The following AFF4 variants were observed in gnomAD, a reference collection of about 807,000 sequenced individuals.
AFF4 encodes the protein ALF transcription elongation factor 4, also known as AF4/FMR2 family member 4.
In AFF4, 13 loss-of-function variants were observed where a neutral mutation model predicts 124.8. The ratio of observed to expected loss-of-function variants is 0.10; its 90% CI spans 0.07 to 0.17. The LOEUF is 0.17. Among genes scored for constraint, AFF4 ranks in the 10% least tolerant of loss-of-function variants. AFF4 has a pLI of 1.00. For missense variants in AFF4, 1,092 were observed against 1,403.8 expected (o/e 0.78, Z 3.55); for synonymous variants, 477 against 496.1 (o/e 0.96, Z 0.51).
In AFF4 at chr5:132,930,955, A is replaced by T. The variant is rs530423077; in HGVS notation, c.963+1223T>A. Reference sequence around the variant, plus strand: ...TACTAAAAAAAAAAAAAAAAAAAAAAAATTAGCCAGGCATGGTGGCAGATG... The same window carrying T: ...TACTAAAAAAAAAAAAAAAAAAAAATAATTAGCCAGGCATGGTGGCAGATG... On this transcript the variant is annotated intron_variant, in intron 4 of 20. Coordinates refer to ENST00000265343, the MANE Select transcript of AFF4 (RefSeq NM_014423.4). 2.4e-3 allele frequency among the ~76,000 whole-genome samples: 366 copies of T among 150,928 alleles called. 4 individuals carry two copies. The highest frequency in any genetic ancestry group is 8.4e-3 in the African/African-American group (347 of 41,168).
At chr5:132,888,744 C>T (rs915096889) in intron 14 of AFF4, among the ~76,000 whole-genome samples, 2 of 151,806 alleles carry the variant, frequency 1.3e-5, no homozygotes, top group Admixed American at 1.3e-4. Flanking sequence ...GTTGCCCAGG[C>T]GGGAGTACAG....
chr5:132,905,708 AG>A (rs1760657882), intron 5 of AFF4, among the ~76,000 whole-genome samples: 2 of 152,238 alleles, frequency 1.3e-5, no homozygotes, highest in Admixed American at 1.3e-4. Flanking sequence ...TAAATGTAAA[AG>A]CTAGAGCTAT....
rs1291673802 is a variant in AFF4 at position 132,890,123 on chromosome 5, A to G, written c.2638-950T>C. 3.3e-5 allele frequency among the ~76,000 whole-genome samples: 5 copies of G among 151,656 alleles called. No individual in the cohort carries two copies. The East Asian group carries it at 9.6e-4, about 29-fold the overall frequency. The stretch of plus-strand genomic sequence containing the variant: ...TCAACATTAGAAAACTCAATAATAT[A>G]TAATTTTACTTTACCTATTTACCCC... On this transcript the variant is annotated intron_variant, in intron 13 of 20. Transcript: ENST00000265343.
intron 5 of AFF4, among the ~76,000 whole-genome samples, chr5:132,908,746 C>CTA (rs1161691677): frequency 9.0e-5 from 13 of 143,852 alleles, no homozygotes; most frequent in Admixed American, 7.8e-4. Context: ...AATCTATACA[C>CTA]TATATATATA....
chr5:132,883,198 A>C (rs1760028915), intron 20 of AFF4, 142 bp downstream of exon 20: 1 of 794,180 alleles, frequency 1.3e-6, no homozygotes, highest in African/African-American at 1.7e-5. Flanking sequence ...TTTAACTGCT[A>C]AGCAATGAAG....
chr5:132,929,579 A>G (rs540084937), intron 4 of AFF4, among the ~76,000 whole-genome samples: 7 of 151,838 alleles, frequency 4.6e-5, no homozygotes, highest in African/African-American at 7.3e-5. Context: ...GATTACAGGG[A>G]AAAAAAATCT....
chr5:132,947,075 A>G (rs1254195729), intron 1 of AFF4, among the ~76,000 whole-genome samples: 7 of 152,078 alleles, frequency 4.6e-5, no homozygotes, highest in Non-Finnish European at 1.0e-4. Context: ...TAAGTATATA[A>G]AACACTTTAT....
At chr5:132,892,448 C>G (rs774679548) in intron 12 of AFF4, 44 bp from the exon 13 acceptor site, 2 of 1,555,230 alleles carry the variant, frequency 1.3e-6, no homozygotes, top group East Asian at 4.5e-5. Context: ...CACAGTAATA[C>G]AGGGGTAATT....
intron 5 of AFF4, among the ~76,000 whole-genome samples, chr5:132,911,901 T>C (rs557641324): frequency 5.4e-5 from 8 of 147,378 alleles, no homozygotes; most frequent in African/African-American, 2.0e-4. Flanking sequence ...ACAATGTACA[T>C]ATCAAAAACA....
rs1759888866 is a variant in AFF4, at chr5:132,878,265, T to C, written c.*2794A>G. ...AACTGCAACCACTGCAATTGGTTCG[T>C]TGGTTGCTTGTAAAGAGTCTAATGG... is the stretch of plus-strand genomic sequence containing the variant. On this transcript the variant is annotated 3_prime_UTR_variant, in exon 21 of 21. Transcript: ENST00000265343. 4.4e-6 allele frequency: 1 copy of C among 229,632 alleles called. No individual in the cohort carries two copies. 14.2% of individuals were successfully genotyped at this position (229,632 alleles called of 1,614,324 possible). A position where few individuals can be genotyped will look rare whatever the true frequency, so the allele number is the denominator to read the frequency against.
At chr5:132,961,216 T>G (rs541782072) in intron 1 of AFF4, among the ~76,000 whole-genome samples, 1 of 151,158 alleles carries the variant, frequency 6.6e-6, no homozygotes, top group East Asian at 2.0e-4. Context: ...CTCGGCTTAC[T>G]GCAACCTTCG....
chr5:132,938,349 C>G (rs1761482057), intron 1 of AFF4, among the ~76,000 whole-genome samples: 1 of 151,482 alleles, frequency 6.6e-6, no homozygotes, highest in South Asian at 2.1e-4. Context: ...CTCACCACAA[C>G]CTATGCCTCC....
At position 132,881,161 on chromosome 5, in the gene AFF4, T is replaced by C; in HGVS notation, c.3390A>G (p.Val1130=). 6.2e-7 allele frequency: 1 copy of C among 1,614,144 alleles called. No homozygotes were observed. Among genetic ancestry groups the C allele is most frequent in the Non-Finnish European group, 8.5e-7 (1 of 1,179,986 alleles). ...QKEFFAELDK[V]MGPLIFNASI... ...TTGCATTAAAGATGAGAGGGCCCAT[T>C]ACTTTATCCAGTTCAGCAAAGAATT... The change falls in exon 21 of 21, where the codon GTA becomes GTG. Residue 1130 remains valine, a synonymous_variant. Transcript: ENST00000265343.
At chr5:132,913,942 AT>A (rs1374500121) in intron 5 of AFF4, among the ~76,000 whole-genome samples, 1 of 152,158 alleles carries the variant, frequency 6.6e-6, no homozygotes, top group Non-Finnish European at 1.5e-5. Flanking sequence ...AAAACAAGAA[AT>A]TAGGCCAGAC....
In AFF4 at chr5:132,896,554, C is replaced by A. The variant is rs753189803; in HGVS notation, c.2076G>T (p.Met692Ile). ...GTTCCTTCTCTTCCATAGGAGAGAA[C>A]ATTCGTTGCCGAAAAAAGCTATCTT... ...EEEDSFFRQR[M>I]FSPMEEKELL... is the part of the protein sequence containing the mutation. Residue 692 changes from methionine (M) to isoleucine (I), a missense_variant, in exon 11 of 21, where the codon ATG becomes ATT. By Grantham distance (10) the Met-to-Ile change is conservative. Coordinates refer to ENST00000265343, the MANE Select transcript of AFF4 (RefSeq NM_014423.4). 1.2e-6 allele frequency: 2 copies of A among 1,614,106 alleles called. No homozygotes were observed. The highest frequency in any genetic ancestry group is 1.7e-6 in the Non-Finnish European group (2 of 1,180,016).
chr5:132,941,533 G>A (rs900714287), intron 1 of AFF4, among the ~76,000 whole-genome samples: 6 of 151,828 alleles, frequency 4.0e-5, no homozygotes, highest in African/African-American at 1.2e-4. Context: ...ACAGGGTTTC[G>A]CAATGTTGCC....
chr5:132,938,445 T>C lies in AFF4; in HGVS notation c.-4-1252A>G, dbSNP rs1055829163. On this transcript the variant is annotated intron_variant, in intron 1 of 20. Transcript: ENST00000265343. ...AATGGCTGGCTAATTTTTTTATTTT[T>C]AGTAGAGACAGGATTTCACCATGTT... Among the ~76,000 whole-genome samples the C allele has an allele frequency of 9.2e-5, 14 of 151,752 alleles. 1 individual carries two copies. The highest frequency in any genetic ancestry group is 4.6e-4 in the Admixed American group (7 of 15,240).
intron 9 of AFF4, among the ~76,000 whole-genome samples, chr5:132,898,809 T>C (rs896534780): frequency 2.0e-5 from 3 of 152,224 alleles, no homozygotes; most frequent in Non-Finnish European, 4.4e-5. Flanking sequence ...ATGTTTACTA[T>C]GTGTTAGACT....
At position 132,883,512 on chromosome 5, in the gene AFF4, G is replaced by A; in HGVS notation, c.3192C>T (p.Gly1064=). Residue 1064 remains glycine (G), a synonymous_variant, in exon 20 of 21, where the codon GGC becomes GGT. Transcript: ENST00000265343. The stretch of plus-strand genomic sequence containing the variant: ...CCCCAGATGAATAATTTCCTGAATT[G>A]CCTGGTGACAGCTTTGGAGAAACAG... ...PSPVSPKLSP[G]NSGNYSSGAS... 1 of 1,613,984 alleles carries A rather than the reference G, an allele frequency of 6.2e-7. No homozygotes were observed. The highest frequency in any genetic ancestry group is 8.5e-7 in the Non-Finnish European group (1 of 1,180,010).
Sources: allele counts gnomAD v4.1 joint callset (sites outside exome capture counted in the v4.1 genomes callset), GRCh38; gene constraint gnomAD v4.1.1; transcripts MANE v1.5; gene names NCBI Gene and HGNC (gene_info 2026-07-23, HGNC 2026-07-21).